The following ZNF385D variants were observed in gnomAD, a reference collection of about 807,000 sequenced individuals.
The protein encoded by ZNF385D is zinc finger protein 659.
Under a neutral mutation model 35.8 loss-of-function variants are expected in ZNF385D, and 15 were observed. That is an observed-to-expected ratio of 0.42 (90% CI 0.28 to 0.64). The LOEUF (loss-of-function observed/expected upper bound fraction) is 0.64. ZNF385D is among the 30% of genes least tolerant of loss of function. The pLI, the probability that ZNF385D is intolerant of heterozygous loss-of-function variation, is 0.23. For synonymous variants in ZNF385D, 212 were observed against 186.8 expected (o/e 1.13, Z -1.10); for missense variants, 474 against 494.6 (o/e 0.96, Z 0.39).
chr3:21,993,470 A>T (rs994534862), intron 3 of ZNF385D, among the ~76,000 whole-genome samples: 1 of 152,198 alleles, frequency 6.6e-6, no homozygotes, highest in Admixed American at 6.5e-5. Context: ...AAGTAGTGAA[A>T]AGTCTCATAA....
intron 1 of ZNF385D, among the ~76,000 whole-genome samples, chr3:21,690,880 T>A (rs775769317): frequency 1.2e-4 from 19 of 152,164 alleles, no homozygotes; most frequent in Admixed American, 9.2e-4. Context: ...TCATATCCAC[T>A]TGCCATCACC....
chr3:21,862,273 C>T (rs1697093857), intron 3 of ZNF385D, among the ~76,000 whole-genome samples: 1 of 149,858 alleles, frequency 6.7e-6, no homozygotes. Flanking sequence ...ATTCTAAGTA[C>T]TTGAGGCAGG....
At chr3:22,121,806 G>C (rs960316487) in intron 3 of ZNF385D, among the ~76,000 whole-genome samples, 9 of 151,780 alleles carry the variant, frequency 5.9e-5, no homozygotes, top group African/African-American at 2.2e-4. Context: ...AACTGCAACA[G>C]CTTTTTCCTT....
chr3:21,781,959 A>T (rs1447389536), intron 3 of ZNF385D, among the ~76,000 whole-genome samples: 1 of 152,094 alleles, frequency 6.6e-6, no homozygotes, highest in Non-Finnish European at 1.5e-5. Context: ...CAAGCTGATA[A>T]AAATGGCCTC....
rs373922842 is a variant in ZNF385D, at chr3:21,547,464, G to T, written c.276+17110C>A. ...CTCCAAACAGTCATTCAACCAGAGC[G>T]TCTGACGATAGCCCCTTCTGCTGGG... On this transcript the variant is annotated intron_variant, in intron 3 of 7. Coordinates refer to ENST00000281523, the MANE Select transcript of ZNF385D (RefSeq NM_024697.3). 7.1e-4 allele frequency among the ~76,000 whole-genome samples: 107 copies of T among 151,226 alleles called. No individual in the cohort carries two copies. In the South Asian group the frequency reaches 0.011, roughly 15 times the overall value.
chr3:22,220,225 G>C (rs1336788185), intron 2 of ZNF385D, among the ~76,000 whole-genome samples: 2 of 151,756 alleles, frequency 1.3e-5, no homozygotes, highest in Admixed American at 6.6e-5. Flanking sequence ...CACCACACCA[G>C]GCTAATGATT....
At chr3:21,991,241 T>C (rs1374839874) in intron 3 of ZNF385D, among the ~76,000 whole-genome samples, 1 of 152,164 alleles carries the variant, frequency 6.6e-6, no homozygotes. Flanking sequence ...TGGAAAGCAG[T>C]TGTACTTCTG....
chr3:21,624,454 A>G (rs186351561), intron 2 of ZNF385D, among the ~76,000 whole-genome samples: 4 of 152,238 alleles, frequency 2.6e-5, no homozygotes, highest in Admixed American at 2.0e-4. Flanking sequence ...TACATATAAA[A>G]GATGAAAAAG....
At chr3:21,841,698 G>A (rs1315030662) in intron 3 of ZNF385D, among the ~76,000 whole-genome samples, 2 of 151,758 alleles carry the variant, frequency 1.3e-5, no homozygotes, top group East Asian at 3.9e-4. Context: ...GTATAAGTAT[G>A]CATAATTCTT....
At chr3:21,663,890 A>AATATATATAG (rs2066310533) in intron 2 of ZNF385D, among the ~76,000 whole-genome samples, 1 of 64,418 alleles carries the variant, frequency 1.6e-5, no homozygotes, top group Non-Finnish European at 3.1e-5. Context: ...TTGTGGGCCG[A>AATATATATAG]ATATATATAT....
chr3:21,659,320 C>G (rs2066165988), intron 2 of ZNF385D, among the ~76,000 whole-genome samples: 1 of 152,066 alleles, frequency 6.6e-6, no homozygotes, highest in Non-Finnish European at 1.5e-5. Flanking sequence ...TTGAGTAGGA[C>G]TCAAAAGTTT....
At chr3:21,974,814 A>G (rs181614454) in intron 3 of ZNF385D, among the ~76,000 whole-genome samples, 46 of 152,328 alleles carry the variant, frequency 3.0e-4, no homozygotes, top group Admixed American at 1.8e-3. Flanking sequence ...AGGATATAAA[A>G]GTGTGCACAA....
At position 21,665,048 on chromosome 3, in the gene ZNF385D, G is replaced by A; in HGVS notation, c.23-20C>T. ...TACCACCTGTGAAGACCAGAGCAAA[G>A]GGAGCAATCAGGGACACCACGCATG... On this transcript the variant is annotated intron_variant, in intron 1 of 7. Coordinates refer to ENST00000281523, the MANE Select transcript of ZNF385D (RefSeq NM_024697.3). 1.9e-6 allele frequency: 3 copies of A among 1,580,060 alleles called. No homozygotes were observed. Among genetic ancestry groups the A allele is most frequent in the Non-Finnish European group, 2.6e-6 (3 of 1,164,058 alleles).
At chr3:22,262,487 A>G (rs1700683434) in intron 2 of ZNF385D, among the ~76,000 whole-genome samples, 1 of 152,036 alleles carries the variant, frequency 6.6e-6, no homozygotes, top group African/African-American at 2.4e-5. Context: ...GAAAAAATAG[A>G]CACAAGTGCC....
intron 3 of ZNF385D, among the ~76,000 whole-genome samples, chr3:21,771,479 T>C (rs2071076547): frequency 6.6e-6 from 1 of 151,720 alleles, no homozygotes; most frequent in African/African-American, 2.4e-5. Flanking sequence ...GTATGGAACA[T>C]TCAAAAGGAA....
At chr3:21,771,169 A>G (rs1185092513) in intron 3 of ZNF385D, among the ~76,000 whole-genome samples, 2 of 152,002 alleles carry the variant, frequency 1.3e-5, no homozygotes, top group East Asian at 3.9e-4. Context: ...CAGCACACCA[A>G]CATGGCACAT....
chr3:22,004,184 A>C (rs1478837637), intron 3 of ZNF385D, among the ~76,000 whole-genome samples: 2 of 152,154 alleles, frequency 1.3e-5, no homozygotes, highest in Non-Finnish European at 2.9e-5. Flanking sequence ...GGCACTAAGA[A>C]TACATGTTGG....
chr3:21,678,494 C>T (rs1382943036), intron 1 of ZNF385D, among the ~76,000 whole-genome samples: 1 of 152,012 alleles, frequency 6.6e-6, no homozygotes, highest in East Asian at 1.9e-4. Context: ...TCACTGTAAA[C>T]CCAAACGTTT....
Position 21,443,089 on chromosome 3 carries a change from A to G in ZNF385D, c.440-5886T>C, listed in dbSNP as rs75212221. ...TCTGCTAGAGTGGTATAGCTGTAGA[A>G]AGTGCTTTAAACGGCCTAGAAATCC... On this transcript the variant is annotated intron_variant, in intron 4 of 7. Coordinates refer to ENST00000281523, the MANE Select transcript of ZNF385D (RefSeq NM_024697.3). 9.6e-5 allele frequency: 93 copies of G among 972,610 alleles called. No homozygotes were observed. The East Asian group carries it at 4.8e-3, about 50-fold the overall frequency. The allele number at this position is 972,610 out of a possible 1,614,324, so 60.2% of individuals were successfully genotyped here. A position where few individuals can be genotyped will look rare whatever the true frequency, so the allele number is the denominator to read the frequency against.
Sources: allele counts gnomAD v4.1 joint callset (sites outside exome capture counted in the v4.1 genomes callset), GRCh38; gene constraint gnomAD v4.1.1; transcripts MANE v1.5; gene names NCBI Gene and HGNC (gene_info 2026-07-23, HGNC 2026-07-21).